BTBD9: variants seen among roughly 807,000 people sequenced by gnomAD.
BTBD9 encodes the protein BTB domain containing 9.
BTBD9 carries 49 observed loss-of-function variants against 64.3 expected under a neutral mutation model. That is an observed-to-expected ratio of 0.76 (90% CI 0.61 to 0.97). The LOEUF (loss-of-function observed/expected upper bound fraction) is 0.97. Among genes scored for constraint, BTBD9 ranks in the 50% least tolerant of loss-of-function variants. The pLI is 0.00. For synonymous variants in BTBD9, 260 were observed against 274.7 expected, an observed-to-expected ratio of 0.95 and a Z score of 0.53; for missense variants, 598 against 762.1, an observed-to-expected ratio of 0.78 and a Z score of 2.53.
rs186753171 is a variant in BTBD9, at chr6:38,622,364, G to A, written c.-28+17436C>T. 5.3e-5 allele frequency among the ~76,000 whole-genome samples: 8 copies of A among 152,336 alleles called. No homozygotes were observed. The East Asian group carries it at 1.5e-3, about 29-fold the overall frequency. On this transcript the variant is annotated intron_variant, in intron 1 of 10. Transcript: ENST00000481247. ...TCCCCTGCAAGACAGAGAAGGCTCAGGAAGTGGTTAAAGTCCTAATTCATG... is the reference window on the plus strand; with the variant it reads ...TCCCCTGCAAGACAGAGAAGGCTCAAGAAGTGGTTAAAGTCCTAATTCATG...
chr6:38,192,653 G>T, intron 9 of BTBD9, 56 bp from the exon 10 acceptor site: 1 of 1,506,478 alleles, frequency 6.6e-7, no homozygotes, highest in Non-Finnish European at 9.2e-7. Context: ...CTCTCTGGTA[G>T]TGTGGCCGAT....
chr6:38,562,173 A>G (rs1239105091), intron 6 of BTBD9, among the ~76,000 whole-genome samples: 1 of 152,240 alleles, frequency 6.6e-6, no homozygotes, highest in Non-Finnish European at 1.5e-5. Flanking sequence ...ATAGCACAGG[A>G]AAATAGAAGT....
At chr6:38,382,381 G>C (rs778719107) in intron 6 of BTBD9, among the ~76,000 whole-genome samples, 2 of 152,078 alleles carry the variant, frequency 1.3e-5, no homozygotes, top group Non-Finnish European at 2.9e-5. Flanking sequence ...TCCCAGGAGT[G>C]AGGTGGCTTC....
At chr6:38,592,253 A>G (rs1267767611) in intron 4 of BTBD9, among the ~76,000 whole-genome samples, 2 of 152,020 alleles carry the variant, frequency 1.3e-5, no homozygotes, top group Non-Finnish European at 2.9e-5. Flanking sequence ...CTCAGTATTT[A>G]TTTGATGGAG....
chr6:38,229,040 T>C (rs1201857870), intron 9 of BTBD9, among the ~76,000 whole-genome samples: 1 of 151,054 alleles, frequency 6.6e-6, no homozygotes, highest in Admixed American at 6.6e-5. Context: ...CTACTAAAAA[T>C]ACAAAAAATT....
chr6:38,539,893 C>T (rs1446713187), intron 6 of BTBD9, among the ~76,000 whole-genome samples: 8 of 152,224 alleles, frequency 5.3e-5, no homozygotes, highest in South Asian at 2.1e-4. Flanking sequence ...AAAAATTGTG[C>T]TCTATTAGAG....
chr6:38,495,463 A>C (rs1235900293), intron 6 of BTBD9, among the ~76,000 whole-genome samples: 1 of 152,210 alleles, frequency 6.6e-6, no homozygotes, highest in Admixed American at 6.5e-5. Context: ...AATAAAACCC[A>C]CTCAAAATTT....
At chr6:38,402,478 G>T (rs1375443118) in intron 6 of BTBD9, among the ~76,000 whole-genome samples, 3 of 152,146 alleles carry the variant, frequency 2.0e-5, no homozygotes, top group African/African-American at 7.2e-5. Context: ...ACTGGCATAA[G>T]GGTAGACATA....
At chr6:38,581,756 G>C (rs903362760) in intron 4 of BTBD9, among the ~76,000 whole-genome samples, 31 of 151,692 alleles carry the variant, frequency 2.0e-4, no homozygotes, top group Admixed American at 2.0e-3. Context: ...CAATGGGGTG[G>C]GGGGGAGACC....
chr6:38,185,006 C>T (rs946993562), intron 10 of BTBD9, among the ~76,000 whole-genome samples: 16 of 152,156 alleles, frequency 1.1e-4, no homozygotes, highest in Admixed American at 9.8e-4. Flanking sequence ...TCCTCTGACA[C>T]GCTCGTGGGC....
chr6:38,275,555 A>G (rs1254784351), intron 8 of BTBD9, among the ~76,000 whole-genome samples: 1 of 150,596 alleles, frequency 6.6e-6, no homozygotes, highest in Non-Finnish European at 1.5e-5. Flanking sequence ...ATCAGAGTGA[A>G]CAGGCAACCT....
chr6:38,390,436 C>A (rs1285129122), intron 6 of BTBD9, among the ~76,000 whole-genome samples: 2 of 152,134 alleles, frequency 1.3e-5, no homozygotes, highest in African/African-American at 4.8e-5. Context: ...AGTTGTGAGA[C>A]CCCTGGCATA....
At chr6:38,448,754 G>A (rs895102417) in intron 6 of BTBD9, among the ~76,000 whole-genome samples, 1 of 152,184 alleles carries the variant, frequency 6.6e-6, no homozygotes, top group African/African-American at 2.4e-5. Context: ...CTGGCCTCAA[G>A]TGATCCGCCT....
intron 1 of BTBD9, among the ~76,000 whole-genome samples, chr6:38,618,210 C>G (rs1008217884): frequency 6.6e-6 from 1 of 152,186 alleles, no homozygotes; most frequent in Non-Finnish European, 1.5e-5. Flanking sequence ...CAATTTGACC[C>G]GCAAAACCTG....
intron 4 of BTBD9, among the ~76,000 whole-genome samples, chr6:38,589,439 A>G (rs1434644451): frequency 6.6e-6 from 1 of 152,170 alleles, no homozygotes; most frequent in Non-Finnish European, 1.5e-5. Flanking sequence ...AGGGAAAGGA[A>G]CTTATATAAG....
intron 9 of BTBD9, among the ~76,000 whole-genome samples, chr6:38,222,613 G>A (rs776839127): frequency 2.6e-5 from 4 of 152,036 alleles, no homozygotes; most frequent in African/African-American, 4.8e-5. Context: ...TGAGGGGAGG[G>A]CACCAGGGAT....
intron 7 of BTBD9, among the ~76,000 whole-genome samples, chr6:38,335,911 T>C (rs1763874992): frequency 6.6e-6 from 1 of 152,042 alleles, no homozygotes; most frequent in Non-Finnish European, 1.5e-5. Flanking sequence ...TTTTTGTATT[T>C]TTTTGTAGAG....
chr6:38,589,300 A>T (rs1776688605), intron 4 of BTBD9, among the ~76,000 whole-genome samples: 1 of 152,210 alleles, frequency 6.6e-6, no homozygotes, highest in African/African-American at 2.4e-5. Context: ...GATCAATTCC[A>T]AACTACCAGT....
At chr6:38,608,269 C>G (rs1384360577) in intron 1 of BTBD9, among the ~76,000 whole-genome samples, 1 of 152,106 alleles carries the variant, frequency 6.6e-6, no homozygotes, top group African/African-American at 2.4e-5. Flanking sequence ...TACTCTCAGC[C>G]TTATTGGTCC....
Sources: gnomAD v4.1 joint callset for allele counts (sites outside exome capture counted in the v4.1 genomes callset) on GRCh38, gnomAD v4.1.1 for gene constraint, MANE v1.5 for transcripts, NCBI Gene and HGNC (gene_info 2026-07-23, HGNC 2026-07-21) for gene names.